Variants in BRF1 observed in about 807,000 individuals in gnomAD.
The protein encoded by BRF1 is transcription factor IIIB 90 kDa subunit.
BRF1 carries 59 observed loss-of-function variants against 81.7 expected under a neutral mutation model. The observed-to-expected ratio is 0.72, with a 90% CI of 0.59 to 0.90. BRF1 has a LOEUF of 0.90. BRF1 is among the 40% of genes least tolerant of loss of function. The pLI, the probability that BRF1 is intolerant of heterozygous loss-of-function variation, is 0.00. For synonymous variants in BRF1, 491 were observed against 395.6 expected (o/e 1.24, Z -2.86); for missense variants, 1,050 against 936.3 (o/e 1.12, Z -1.58).
At chr14:105,303,083 C>A (rs587632106), upstream of BRF1, among the ~76,000 whole-genome samples, 8 of 152,288 alleles carry the variant, frequency 5.3e-5, no homozygotes, top group South Asian at 1.7e-3. Context: ...CATGTGCCAC[C>A]ACGCCCAGCT....
intron 4 of BRF1, chr14:105,256,276 T>C: frequency 6.5e-7 from 1 of 1,546,108 alleles, no homozygotes; most frequent in Non-Finnish European, 8.7e-7. Flanking sequence ...CACCCAACCG[T>C]GCCCAGCATT....
At chr14:105,272,980 A>G in intron 2 of BRF1, 86 bp from the exon 3 acceptor site, 1 of 1,405,886 alleles carries the variant, frequency 7.1e-7, no homozygotes, top group East Asian at 2.5e-5. Context: ...AACTTTAAGA[A>G]TATAGATTTG....
chr14:105,209,357 G>C lies in BRF1; in HGVS notation c.*1194C>G. On this transcript the variant is annotated 3_prime_UTR_variant, in exon 18 of 18. Coordinates refer to ENST00000547530, the MANE Select transcript of BRF1 (RefSeq NM_001519.4). ...TTCCCCCAAGCCCTCGAGAAGCCCT[G>C]GCAGGACCCAGGCTGGCTACTGAGC... 1.7e-6 allele frequency: 1 copy of C among 582,916 alleles called. No individual in the cohort carries two copies. The highest frequency in any genetic ancestry group is 2.0e-5 in the South Asian group (1 of 49,482). 36.1% of individuals were successfully genotyped at this position (582,916 alleles called of 1,614,324 possible).
At chr14:105,251,472 T>G (rs1341130201) in intron 5 of BRF1, among the ~76,000 whole-genome samples, 1 of 152,084 alleles carries the variant, frequency 6.6e-6, no homozygotes, top group Admixed American at 6.6e-5. Flanking sequence ...TGAAACAGGC[T>G]CTCCCACCCC....
chr14:105,249,420 G>C lies in BRF1; in HGVS notation c.544+3087C>G, dbSNP rs371677699. 13 of 1,613,292 alleles carry C rather than the reference G, an allele frequency of 8.1e-6. No homozygotes were observed. Among genetic ancestry groups the C allele is most frequent in the African/African-American group, 1.3e-5 (1 of 74,944 alleles). On this transcript the variant is annotated intron_variant, in intron 5 of 17. Transcript: ENST00000547530. ...CATGTTCTACGGAGACCTGGCGGAA[G>C]TCAAATCTGAAATTCACATTCCAGA...
intron 17 of BRF1, 69 bp downstream of exon 17, chr14:105,211,053 G>C: frequency 6.3e-7 from 1 of 1,576,224 alleles, no homozygotes. Flanking sequence ...CAAGTTCAGG[G>C]ATCATGAGGG....
chr14:105,256,644 G>C (rs1044765293), intron 3 of BRF1, 95 bp from the exon 4 acceptor site: 3 of 1,532,132 alleles, frequency 2.0e-6, no homozygotes, highest in Non-Finnish European at 2.6e-6. Context: ...CACCTGCAGG[G>C]AGCTGGAGTC....
chr14:105,314,981 C>T, intron 1 of BRF1: 1 of 1,246,588 alleles, frequency 8.0e-7, no homozygotes, highest in Non-Finnish European at 1.0e-6. Flanking sequence ...CGCCCGTGCC[C>T]ATGAACCTGT....
chr14:105,221,530 C>G (rs1892284131), intron 11 of BRF1, 118 bp downstream of exon 11: 12 of 1,415,386 alleles, frequency 8.5e-6, no homozygotes, highest in Non-Finnish European at 1.1e-5. Flanking sequence ...AGCCCACCGC[C>G]CGAGACCACC....
intron 5 of BRF1, chr14:105,250,765 C>T (rs756492284): frequency 1.3e-5 from 16 of 1,274,776 alleles, no homozygotes; most frequent in Admixed American, 2.5e-5. Context: ...CTGCTCTTAA[C>T]TTTGTCTCTC....
At chr14:105,314,996 C>T in intron 1 of BRF1, 1 of 1,254,248 alleles carries the variant, frequency 8.0e-7, no homozygotes, top group Non-Finnish European at 1.0e-6. Flanking sequence ...ACCTGTTCGC[C>T]ACCTGGGAGG....
intron 2 of BRF1, among the ~76,000 whole-genome samples, chr14:105,280,481 A>G (rs997133339): frequency 2.6e-5 from 4 of 152,272 alleles, no homozygotes; most frequent in Admixed American, 6.5e-5. Flanking sequence ...AAACCCATAG[A>G]ACACGCACCG....
chr14:105,266,306 G>A (rs993355336), intron 3 of BRF1, among the ~76,000 whole-genome samples: 38 of 152,230 alleles, frequency 2.5e-4, no homozygotes, highest in Admixed American at 6.5e-4. Flanking sequence ...CCGGCTACTC[G>A]GGATGCTGAG....
chr14:105,214,006 C>CG (rs961701186), intron 15 of BRF1, among the ~76,000 whole-genome samples: 1 of 152,228 alleles, frequency 6.6e-6, no homozygotes, highest in African/African-American at 2.4e-5. Context: ...TTGGCCTGTA[C>CG]GGGGGTCCCC....
rs1566854056 is a variant in BRF1 at position 105,271,192 on chromosome 14, G to A, written c.439+1529C>T. On this transcript the variant is annotated intron_variant, in intron 3 of 17. Transcript: ENST00000547530. This position sits in a 1 kb window ranked among gnomAD's most constrained non-coding sequence, Gnocchi z 5.5. Reference sequence around the variant, plus strand: ...GGATGAGATAACACATGGGTTCAGTGTGGCAGGCAGAGTAACAGAGAAGAA... The same window carrying A: ...GGATGAGATAACACATGGGTTCAGTATGGCAGGCAGAGTAACAGAGAAGAA... 6.6e-6 allele frequency among the ~76,000 whole-genome samples: 1 copy of A among 152,264 alleles called. No individual in the cohort carries two copies. The highest frequency in any genetic ancestry group is 1.9e-4 in the East Asian group (1 of 5,198).
At chr14:105,226,220 G>C in intron 9 of BRF1, 31 bp downstream of exon 9, 1 of 1,614,052 alleles carries the variant, frequency 6.2e-7, no homozygotes, top group Non-Finnish European at 8.5e-7. Context: ...CAACAAAACA[G>C]AAGCATTACA....
intron 3 of BRF1, 25 bp downstream of exon 3, chr14:105,272,695 TG>T: frequency 6.3e-7 from 1 of 1,574,878 alleles, no homozygotes; most frequent in South Asian, 1.2e-5. Flanking sequence ...TGGGGCCCTC[TG>T]GGAGGCTCTC....
At chr14:105,213,991 T>C (rs1349205789) in intron 15 of BRF1, among the ~76,000 whole-genome samples, 2 of 152,206 alleles carry the variant, frequency 1.3e-5, no homozygotes, top group East Asian at 1.9e-4. Context: ...ACCTCGGCCA[T>C]GGCTTTGGCC....
chr14:105,248,054 G>A, intron 5 of BRF1: 3 of 985,542 alleles, frequency 3.0e-6, no homozygotes, highest in Non-Finnish European at 3.6e-6. Context: ...CCGGCTGTGT[G>A]ACCTTCAGCG....
Sources: allele counts gnomAD v4.1 joint callset (sites outside exome capture counted in the v4.1 genomes callset), GRCh38; gene constraint gnomAD v4.1.1; non-coding constraint Gnocchi (gnomAD v3.1); transcripts MANE v1.5; gene names NCBI Gene and HGNC (gene_info 2026-07-23, HGNC 2026-07-21).